Variants in CFAP44 observed in about 807,000 individuals in gnomAD.
The protein encoded by CFAP44 is cilia- and flagella-associated protein 44.
CFAP44 carries 134 observed loss-of-function variants against 216.2 expected under a neutral mutation model. The observed-to-expected ratio is 0.62, with a 90% CI of 0.54 to 0.72. CFAP44 has a LOEUF of 0.72. CFAP44 is among the 30% of genes least tolerant of loss of function. The pLI is 0.00. For missense variants in CFAP44, 2,035 were observed against 2,182.1 expected, an observed-to-expected ratio of 0.93 and a Z score of 1.34; for synonymous variants, 700 against 727.6, an observed-to-expected ratio of 0.96 and a Z score of 0.61.
At position 113,305,166 on chromosome 3, in the gene CFAP44, C is replaced by T. The variant is rs1047228980; in HGVS notation, c.4759-14G>A. On this transcript the variant is annotated splice_polypyrimidine_tract_variant and intron_variant, in intron 30 of 34. Coordinates refer to ENST00000393845, the MANE Select transcript of CFAP44 (RefSeq NM_001164496.2). ...CACAATTTTCACCTGTAGAAAGCCC[C>T]GTGTTGTGAAATGGTGACAAGACTC... 21 of 1,534,352 alleles carry T rather than the reference C, an allele frequency of 1.4e-5. No individual in the cohort carries two copies. Among genetic ancestry groups the T allele is most frequent in the African/African-American group, 2.7e-5 (2 of 73,086 alleles).
chr3:113,403,129 C>T (rs1934186652), intron 9 of CFAP44, among the ~76,000 whole-genome samples: 1 of 152,108 alleles, frequency 6.6e-6, no homozygotes, highest in African/African-American at 2.4e-5. Flanking sequence ...GATAACATTT[C>T]TTAAAGAATG....
At chr3:113,340,653 T>C (rs575504565) in intron 24 of CFAP44, among the ~76,000 whole-genome samples, 1 of 152,186 alleles carries the variant, frequency 6.6e-6, no homozygotes, top group Non-Finnish European at 1.5e-5. Flanking sequence ...TCCGACCCCA[T>C]GGCAGTGTCT....
At chr3:113,296,280 A>C (rs956212220) in intron 33 of CFAP44, among the ~76,000 whole-genome samples, 2 of 152,212 alleles carry the variant, frequency 1.3e-5, no homozygotes, top group African/African-American at 4.8e-5. Flanking sequence ...ATATATATAC[A>C]TACACACATA....
In CFAP44 at chr3:113,294,800, A is replaced by G; in HGVS notation, c.5260T>C (p.Trp1754Arg). The G allele has an allele frequency of 1.3e-6, 2 of 1,534,294 alleles. No homozygotes were observed. The highest frequency in any genetic ancestry group is 8.7e-7 in the Non-Finnish European group (1 of 1,145,898). Residue 1754 changes from tryptophan to arginine, a missense_variant, in exon 34 of 35, where the codon TGG (tryptophan) becomes CGG (arginine). Coordinates refer to ENST00000393845, the MANE Select transcript of CFAP44 (RefSeq NM_001164496.2). The stretch of plus-strand genomic sequence containing the variant: ...TCTTTTGTCTTCATCATCAGTTCCC[A>G]TCGCATTTGAGCAATCTTTTCCTAC... Reference protein sequence around the residue: ...MWEEKIAQMRWELMMKTKEHT... With the variant: ...MWEEKIAQMRRELMMKTKEHT...
chr3:113,363,198 T>G lies in CFAP44; in HGVS notation c.2881A>C (p.Asn961His). 1 of 1,613,154 alleles carries G rather than the reference T, an allele frequency of 6.2e-7. No homozygotes were observed. The highest frequency in any genetic ancestry group is 1.1e-5 in the South Asian group (1 of 90,698). ...AATTTTTCATTCATTTCTAATAGATTACAAAATTCACTCCTCAAAGCTTTG... is the reference window on the plus strand; with the variant it reads ...AATTTTTCATTCATTTCTAATAGATGACAAAATTCACTCCTCAAAGCTTTG... ...QIKALRSEFC[N>H]LLEMNEKLPK... Residue 961 changes from asparagine to histidine, a missense_variant, in exon 21 of 35, where the codon AAT (asparagine) becomes CAT (histidine). Physicochemically the swap from Asn to His is moderately conservative, Grantham distance 68 (BLOSUM62 1). Coordinates refer to ENST00000393845, the MANE Select transcript of CFAP44 (RefSeq NM_001164496.2).
chr3:113,320,224 G>GTC (rs111963316), intron 28 of CFAP44, among the ~76,000 whole-genome samples: 9,064 of 141,330 alleles, frequency 0.064, 318 homozygotes, highest in East Asian at 0.14. Context: ...AGGTATATTA[G>GTC]TCTCTCTCTC....
intron 15 of CFAP44, among the ~76,000 whole-genome samples, chr3:113,394,994 G>A (rs1933951130): frequency 6.6e-6 from 1 of 152,180 alleles, no homozygotes. Context: ...AGAAAAGATA[G>A]AAACAATGAG....
intron 4 of CFAP44, among the ~76,000 whole-genome samples, chr3:113,424,457 A>G (rs1263974267): frequency 2.0e-5 from 3 of 152,206 alleles, no homozygotes; most frequent in African/African-American, 7.2e-5. Context: ...GAACAAAACA[A>G]AAAAGCAAAA....
rs2107779862 is a variant in CFAP44, at chr3:113,287,527, T to C, written c.*4030A>G. 2 of 153,028 alleles carry C rather than the reference T, an allele frequency of 1.3e-5. No homozygotes were observed. Among genetic ancestry groups the C allele is most frequent in the Middle Eastern group, 3.4e-3 (1 of 294 alleles). 9.5% of individuals were successfully genotyped at this position (153,028 alleles called of 1,614,324 possible). A position where few individuals can be genotyped will look rare whatever the true frequency, so the allele number is the denominator to read the frequency against. The stretch of plus-strand genomic sequence containing the variant: ...TCAGTCTCTGAGTATTTGAAGAAAA[T>C]ACCCACTTACAATATTTTCAGGTCC... On this transcript the variant is annotated 3_prime_UTR_variant, in exon 35 of 35. Transcript: ENST00000393845.
chr3:113,422,502 G>A (rs73237146), intron 4 of CFAP44, among the ~76,000 whole-genome samples: 33,069 of 152,016 alleles, frequency 0.22, 4,101 homozygotes, highest in East Asian at 0.47. Flanking sequence ...TCAGGGTACT[G>A]GATCTGTTCA....
Position 113,308,179 on chromosome 3 carries a change from CA to C in CFAP44, c.4605del (p.Phe1535LeufsTer32). ...EDESESEDEV[F>X]DDSICPTNCD... The stretch of plus-strand genomic sequence containing the variant: ...TTACTTGTTGGGCAAATAGAATCAT[CA>C]AAAACCTCATCTTCTGATTCAGACT... On this transcript the variant is annotated frameshift_variant, in exon 29 of 35. Transcript: ENST00000393845. LOFTEE classifies it high-confidence loss of function. 1 of 1,533,976 alleles carries C rather than the reference CA, an allele frequency of 6.5e-7. No homozygotes were observed. The highest frequency in any genetic ancestry group is 1.2e-5 in the South Asian group (1 of 83,006).
chr3:113,300,642 C>T (rs1949925836), intron 32 of CFAP44, among the ~76,000 whole-genome samples: 1 of 151,704 alleles, frequency 6.6e-6, no homozygotes, highest in African/African-American at 2.4e-5. Context: ...AAAATTCATA[C>T]ATATCAATTT....
intron 18 of CFAP44, among the ~76,000 whole-genome samples, chr3:113,368,438 A>T (rs1278653459): frequency 1.3e-5 from 2 of 152,222 alleles, no homozygotes; most frequent in African/African-American, 2.4e-5. Flanking sequence ...CCAATATTCA[A>T]TATTCTTAAA....
chr3:113,435,447 T>C (rs915540784), intron 1 of CFAP44, among the ~76,000 whole-genome samples: 48 of 152,104 alleles, frequency 3.2e-4, no homozygotes, highest in African/African-American at 2.4e-5. Context: ...AAGAACAGGA[T>C]GAGGTAACTG....
chr3:113,286,976 T>C lies in CFAP44; in HGVS notation c.*4581A>G, dbSNP rs749878311. ...TTTTTCTATTATAGCCATATTTATA[T>C]ATTTATGCACTTGTAAATAAATGTA... On this transcript the variant is annotated 3_prime_UTR_variant, in exon 35 of 35. Transcript: ENST00000393845. The C allele has an allele frequency of 5.8e-6, 6 of 1,041,920 alleles. No individual in the cohort carries two copies. In the African/African-American group the frequency reaches 8.1e-5, roughly 14 times the overall value. 64.5% of individuals were successfully genotyped at this position (1,041,920 alleles called of 1,614,324 possible).
intron 6 of CFAP44, among the ~76,000 whole-genome samples, chr3:113,414,451 A>G (rs1934584774): frequency 6.6e-6 from 1 of 152,168 alleles, no homozygotes; most frequent in Non-Finnish European, 1.5e-5. Flanking sequence ...TTTCAAAGAG[A>G]ATGCTTCCAA....
chr3:113,431,521 G>C (rs1935105303), intron 2 of CFAP44, among the ~76,000 whole-genome samples: 1 of 152,036 alleles, frequency 6.6e-6, no homozygotes, highest in African/African-American at 2.4e-5. Flanking sequence ...ACATGAAAAA[G>C]GAAAAACTAG....
chr3:113,420,896 A>G (rs1456382202), intron 4 of CFAP44, among the ~76,000 whole-genome samples: 1 of 152,166 alleles, frequency 6.6e-6, no homozygotes, highest in African/African-American at 2.4e-5. Flanking sequence ...TGAGCTTATT[A>G]GTATATGTAT....
intron 21 of CFAP44, among the ~76,000 whole-genome samples, chr3:113,361,541 C>T (rs1256919485): frequency 6.7e-6 from 1 of 149,316 alleles, no homozygotes. Context: ...GTCCCCCAGG[C>T]TGGAGTGCAG....
Sources: allele counts gnomAD v4.1 joint callset (sites outside exome capture counted in the v4.1 genomes callset), GRCh38; gene constraint gnomAD v4.1.1; transcripts MANE v1.5; gene names NCBI Gene and HGNC (gene_info 2026-07-23, HGNC 2026-07-21).